The following ANKRD16 variants were observed in gnomAD, a reference collection of about 807,000 sequenced individuals.
The protein encoded by ANKRD16 is ankyrin repeat domain 16, also known as ankyrin repeat domain-containing protein 16.
In ANKRD16, 35 loss-of-function variants were observed where a neutral mutation model predicts 37.9. The observed-to-expected ratio is 0.92, with a 90% CI of 0.71 to 1.23. The LOEUF is 1.23. Ranked by LOEUF, ANKRD16 falls within the 50% of genes most tolerant of loss-of-function variation. ANKRD16 has a pLI of 0.00. For synonymous variants in ANKRD16, 206 were observed against 197.2 expected, an observed-to-expected ratio of 1.04 and a Z score of -0.37; for missense variants, 480 against 469.9, an observed-to-expected ratio of 1.02 and a Z score of -0.20.
chr10:5,874,196 C>T lies in ANKRD16; in HGVS notation c.*33+3901G>A, dbSNP rs529263773. Among the ~76,000 whole-genome samples the T allele has an allele frequency of 3.3e-5, 5 of 152,340 alleles. No homozygotes were observed. Among genetic ancestry groups the T allele is most frequent in the Non-Finnish European group, 7.3e-5 (5 of 68,038 alleles). ...AAGCCATCGTGCCTGGGCGAGACTT[C>T]TGCTTTGATTGAGCTTAGTAACACA... is the stretch of plus-strand genomic sequence containing the variant. On this transcript the variant is annotated intron_variant, in intron 7 of 7. Transcript: ENST00000380094. The surrounding 1 kb of genome is among the most constrained non-coding windows in gnomAD (Gnocchi z 4.7).
rs1841961431 is a variant in ANKRD16 at position 5,862,814 on chromosome 10, C to T, written c.*34-123G>A. ...CTGCTGGCTACAGGGCCTGGCTCTA[C>T]ATGCTGCACAGTCAGAGAGGGAGAG... is the stretch of plus-strand genomic sequence containing the variant. On this transcript the variant is annotated intron_variant, in intron 7 of 7. Transcript: ENST00000380094. The surrounding 1 kb of genome is among the most constrained non-coding windows in gnomAD (Gnocchi z 6.5). 3.7e-6 allele frequency: 2 copies of T among 533,802 alleles called. No homozygotes were observed. The highest frequency in any genetic ancestry group is 1.6e-5 in the South Asian group (1 of 62,586). 33.1% of individuals were successfully genotyped at this position (533,802 alleles called of 1,614,324 possible). A position where few individuals can be genotyped will look rare whatever the true frequency, so the allele number is the denominator to read the frequency against.
At position 5,889,390 on chromosome 10, in the gene ANKRD16, C is replaced by A; in HGVS notation, c.-36G>T. ...CGGGCCGGGCTGCGCGGGGAGGCGG[C>A]GGGCGGGACACCGGCGGCCGGGCAG... is the stretch of plus-strand genomic sequence containing the variant. On this transcript the variant is annotated 5_prime_UTR_variant, in exon 1 of 8. Transcript: ENST00000380094. The A allele has an allele frequency of 8.5e-7, 1 of 1,180,460 alleles. No individual in the cohort carries two copies. The allele number at this position is 1,180,460 out of a possible 1,614,324, so 73.1% of individuals were successfully genotyped here.
rs1158882202 is a variant in ANKRD16, at chr10:5,863,179, C to G, written c.*34-488G>C. Among the ~76,000 whole-genome samples the G allele has an allele frequency of 6.6e-6, 1 of 151,968 alleles. No homozygotes were observed. The highest frequency in any genetic ancestry group is 6.6e-5 in the Admixed American group (1 of 15,258). On this transcript the variant is annotated intron_variant, in intron 7 of 7. Coordinates refer to ENST00000380094, the MANE Select transcript of ANKRD16 (RefSeq NM_019046.3). This position sits in a 1 kb window ranked among gnomAD's most constrained non-coding sequence, Gnocchi z 4.7. ...TGGAACTTGGGAGACATGCAGATCC[C>G]ACAGGAGAGGGAAGGGGGAGCTGCT...
Position 5,863,019 on chromosome 10 carries a change from C to T in ANKRD16, c.*34-328G>A, listed in dbSNP as rs1841963608. On this transcript the variant is annotated intron_variant, in intron 7 of 7. Coordinates refer to ENST00000380094, the MANE Select transcript of ANKRD16 (RefSeq NM_019046.3). The surrounding 1 kb of genome is among the most constrained non-coding windows in gnomAD (Gnocchi z 4.7). ...CTTTCCACCTACTGTCCCGGAGCAG[C>T]TGACTGTGGTGGAGAAAACTGCAGG... Among the ~76,000 whole-genome samples the T allele has an allele frequency of 6.6e-6, 1 of 152,148 alleles. No individual in the cohort carries two copies. The highest frequency in any genetic ancestry group is 1.5e-5 in the Non-Finnish European group (1 of 68,046).
chr10:5,867,997 G>C (rs1413231827), intron 7 of ANKRD16, among the ~76,000 whole-genome samples: 3 of 152,168 alleles, frequency 2.0e-5, no homozygotes, highest in Non-Finnish European at 4.4e-5. Flanking sequence ...ATGCCGCCTG[G>C]CGTTTACAGG....
chr10:5,879,344 G>T (rs1425376940), intron 6 of ANKRD16, among the ~76,000 whole-genome samples: 1 of 151,964 alleles, frequency 6.6e-6, no homozygotes, highest in East Asian at 1.9e-4. Context: ...CATGGTGGTG[G>T]GCACCCGTAG....
chr10:5,886,952 A>G (rs1490575374), intron 2 of ANKRD16, among the ~76,000 whole-genome samples: 1 of 152,208 alleles, frequency 6.6e-6, no homozygotes, highest in Non-Finnish European at 1.5e-5. Context: ...ATGAGTATCT[A>G]TATTTATTTA....
intron 5 of ANKRD16, among the ~76,000 whole-genome samples, chr10:5,882,277 C>G (rs1456054939): frequency 6.6e-6 from 1 of 151,952 alleles, no homozygotes; most frequent in Non-Finnish European, 1.5e-5. Flanking sequence ...GGCATGGTGG[C>G]TCACGCCTGT....
intron 7 of ANKRD16, among the ~76,000 whole-genome samples, chr10:5,875,607 A>G (rs895812733): frequency 2.4e-4 from 36 of 152,240 alleles, no homozygotes. Flanking sequence ...AGGGAGTAAT[A>G]GAAAAATATT....
chr10:5,868,044 C>G lies in ANKRD16; in HGVS notation c.*34-5353G>C, dbSNP rs1842040718. On this transcript the variant is annotated intron_variant, in intron 7 of 7. Transcript: ENST00000380094. This position sits in a 1 kb window ranked among gnomAD's most constrained non-coding sequence, Gnocchi z 4.9. ...GAAATCAGACAACGCCTTTCAAACT[C>G]TTATACCAACCTCTGGAGTTGGGTG... 6.6e-6 allele frequency among the ~76,000 whole-genome samples: 1 copy of G among 152,232 alleles called. No homozygotes were observed. The highest frequency in any genetic ancestry group is 1.5e-5 in the Non-Finnish European group (1 of 68,038).
chr10:5,865,454 C>A lies in ANKRD16; in HGVS notation c.*34-2763G>T, dbSNP rs1057158621. On this transcript the variant is annotated intron_variant, in intron 7 of 7. Transcript: ENST00000380094. The surrounding 1 kb of genome is among the most constrained non-coding windows in gnomAD (Gnocchi z 4.7). ...TAACTATTGAGGGCCAGGAAATCGA[C>A]TTCCTCCTGGACAGTGGCATGGCTT... Among the ~76,000 whole-genome samples the A allele has an allele frequency of 6.6e-6, 1 of 152,346 alleles. No individual in the cohort carries two copies. Among genetic ancestry groups the A allele is most frequent in the Middle Eastern group, 3.4e-3 (1 of 294 alleles).
Position 5,889,431 on chromosome 10 carries a change from G to T in ANKRD16, c.-77C>A. 1 of 1,056,726 alleles carries T rather than the reference G, an allele frequency of 9.5e-7. No individual in the cohort carries two copies. Among genetic ancestry groups the T allele is most frequent in the Non-Finnish European group, 1.2e-6 (1 of 852,872 alleles). 65.5% of individuals were successfully genotyped at this position (1,056,726 alleles called of 1,614,324 possible). ...GGCCGGGCAGGGAGAAGCCGAGGGC[G>T]AGTGGGACTTTCCGCCTCTTCACGC... On this transcript the variant is annotated 5_prime_UTR_variant, in exon 1 of 8. Coordinates refer to ENST00000380094, the MANE Select transcript of ANKRD16 (RefSeq NM_019046.3).
In ANKRD16 at chr10:5,870,167, T is replaced by C. The variant is rs546675247; in HGVS notation, c.*34-7476A>G. 6.6e-6 allele frequency among the ~76,000 whole-genome samples: 1 copy of C among 152,162 alleles called. No homozygotes were observed. The highest frequency in any genetic ancestry group is 1.9e-4 in the East Asian group (1 of 5,178). On this transcript the variant is annotated intron_variant, in intron 7 of 7. Coordinates refer to ENST00000380094, the MANE Select transcript of ANKRD16 (RefSeq NM_019046.3). The surrounding 1 kb of genome is among the most constrained non-coding windows in gnomAD (Gnocchi z 5.0). ...ACCAAAACATCGATCCACATCCCTC[T>C]CCACTGCTTCATTTGCAAGCTCCAG...
At position 5,878,886 on chromosome 10, in the gene ANKRD16, T is replaced by C. The variant is rs536792215; in HGVS notation, c.929-599A>G. ...ATCCTCTTCATACGCCTGAATGCTC[T>C]GGAAACACACTTTAAATGGTACAAA... On this transcript the variant is annotated intron_variant, in intron 6 of 7. Transcript: ENST00000380094. This position sits in a 1 kb window ranked among gnomAD's most constrained non-coding sequence, Gnocchi z 5.1. 6.6e-6 allele frequency among the ~76,000 whole-genome samples: 1 copy of C among 152,342 alleles called. No individual in the cohort carries two copies. The highest frequency in any genetic ancestry group is 2.4e-5 in the African/African-American group (1 of 41,578).
chr10:5,884,002 G>A lies in ANKRD16; in HGVS notation c.654C>T (p.Ile218=), dbSNP rs140216893. The change falls in exon 4 of 8, where the codon ATC becomes ATT. Residue 218 remains isoleucine, a synonymous_variant. Coordinates refer to ENST00000380094, the MANE Select transcript of ANKRD16 (RefSeq NM_019046.3). The part of the protein sequence containing the change: ...ALMDAIQCGH[I]DVARLLLDEH... ...CATCGAGGAGCAGCCTAGCGACGTC[G>A]ATGTGCCCACACTGGATTGCGTCCA... The A allele has an allele frequency of 2.8e-5, 45 of 1,613,968 alleles. 1 individual carries two copies. In the African/African-American group the frequency reaches 5.5e-4, roughly 20 times the overall value.
rs1841956038 is a variant in ANKRD16 at position 5,862,389 on chromosome 10, C to T, written c.*336G>A. The T allele has an allele frequency of 4.5e-6, 2 of 444,366 alleles. No homozygotes were observed. Among genetic ancestry groups the T allele is most frequent in the Admixed American group, 2.6e-5 (1 of 38,286 alleles). The allele number at this position is 444,366 out of a possible 1,614,324, so 27.5% of individuals were successfully genotyped here. On this transcript the variant is annotated 3_prime_UTR_variant, in exon 8 of 8. Transcript: ENST00000380094. This position sits in a 1 kb window ranked among gnomAD's most constrained non-coding sequence, Gnocchi z 6.5. ...AGGGCAGAGGCAGAAGGCACCACCT[C>T]AATCTGGGCCTGTCTGCTGTGGCTG... is the stretch of plus-strand genomic sequence containing the variant.
chr10:5,888,568 T>C (rs919504493), intron 1 of ANKRD16, among the ~76,000 whole-genome samples: 3 of 152,248 alleles, frequency 2.0e-5, no homozygotes, highest in Non-Finnish European at 4.4e-5. Context: ...GTGGTGGTTA[T>C]GCAAGGCTGC....
chr10:5,863,798 A>G lies in ANKRD16; in HGVS notation c.*34-1107T>C, dbSNP rs1446830772. ...GGGAAGAACAAACAACTCTGGATGC[A>G]CCATCTTTAAGACTGTAACACTCAC... is the stretch of plus-strand genomic sequence containing the variant. On this transcript the variant is annotated intron_variant, in intron 7 of 7. Transcript: ENST00000380094. The surrounding 1 kb of genome is among the most constrained non-coding windows in gnomAD (Gnocchi z 4.7). Among the ~76,000 whole-genome samples, 1 of 152,160 alleles carries G rather than the reference A, an allele frequency of 6.6e-6. No individual in the cohort carries two copies. Among genetic ancestry groups the G allele is most frequent in the Non-Finnish European group, 1.5e-5 (1 of 68,036 alleles).
At position 5,874,437 on chromosome 10, in the gene ANKRD16, A is replaced by G. The variant is rs181899937; in HGVS notation, c.*33+3660T>C. Among the ~76,000 whole-genome samples the G allele has an allele frequency of 2.8e-3, 430 of 152,338 alleles. 1 individual carries two copies. Among genetic ancestry groups the G allele is most frequent in the Non-Finnish European group, 5.3e-3 (358 of 68,020 alleles). The stretch of plus-strand genomic sequence containing the variant: ...TTGAGGACTTGGAGAGGTGTATTTA[A>G]GACATGGCTGCCACTCTCTAGGAGG... On this transcript the variant is annotated intron_variant, in intron 7 of 7. Coordinates refer to ENST00000380094, the MANE Select transcript of ANKRD16 (RefSeq NM_019046.3). This position sits in a 1 kb window ranked among gnomAD's most constrained non-coding sequence, Gnocchi z 4.7.
Sources: allele counts gnomAD v4.1 joint callset (sites outside exome capture counted in the v4.1 genomes callset), GRCh38; gene constraint gnomAD v4.1.1; non-coding constraint Gnocchi (gnomAD v3.1); transcripts MANE v1.5; gene names NCBI Gene and HGNC (gene_info 2026-07-23, HGNC 2026-07-21).